Variants in GNL2 observed in about 807,000 individuals in gnomAD.
GNL2 encodes G protein nucleolar 2.
A neutral mutation model predicts 92.3 loss-of-function variants in GNL2; 51 were observed. That is an observed-to-expected ratio of 0.55 (90% CI 0.44 to 0.70). GNL2 has a LOEUF of 0.70. GNL2 is among the 30% of genes least tolerant of loss of function. GNL2 has a pLI of 0.00. For synonymous variants in GNL2, 283 were observed against 300.6 expected, an observed-to-expected ratio of 0.94 and a Z score of 0.61; for missense variants, 844 against 895.6, an observed-to-expected ratio of 0.94 and a Z score of 0.74.
At chr1:37,586,445 G>A (rs955261821) in intron 5 of GNL2, among the ~76,000 whole-genome samples, 4 of 152,038 alleles carry the variant, frequency 2.6e-5, no homozygotes, top group East Asian at 1.9e-4. Flanking sequence ...GGATCCCTAC[G>A]AGAATATGAT....
intron 8 of GNL2, chr1:37,581,303 T>G (rs1007053951): frequency 4.4e-6 from 2 of 452,980 alleles, no homozygotes; most frequent in Non-Finnish European, 8.9e-6. Flanking sequence ...AGAAGCCAGG[T>G]AGAATTAACT....
chr1:37,579,660 G>A (rs1378531743), intron 8 of GNL2, among the ~76,000 whole-genome samples: 1 of 152,036 alleles, frequency 6.6e-6, no homozygotes, highest in Non-Finnish European at 1.5e-5. Flanking sequence ...CACTTTGGGA[G>A]GCTGAGGCGG....
At chr1:37,589,919 A>G (rs1305722783) in intron 4 of GNL2, among the ~76,000 whole-genome samples, 1 of 152,198 alleles carries the variant, frequency 6.6e-6, no homozygotes, top group East Asian at 1.9e-4. Flanking sequence ...ACTCAATCCT[A>G]ATTCTACGCT....
chr1:37,588,327 C>T (rs116234374), intron 4 of GNL2, among the ~76,000 whole-genome samples: 2,734 of 151,924 alleles, frequency 0.018, 89 homozygotes, highest in African/African-American at 0.063. Context: ...CCTCCGTAAG[C>T]ACCACTACCA....
chr1:37,595,897 G>T lies in GNL2; in HGVS notation c.-75C>A, dbSNP rs1378701616. The T allele has an allele frequency of 2.3e-6, 3 of 1,293,868 alleles. No homozygotes were observed. Among genetic ancestry groups the T allele is most frequent in the Non-Finnish European group, 1.1e-6 (1 of 892,572 alleles). The allele number at this position is 1,293,868 out of a possible 1,614,324, so 80.1% of individuals were successfully genotyped here. ...AACAAACTTTTATGTTCCCAAGCCC[G>T]GCCGAAGACACCCGCCTGAACCACG... On this transcript the variant is annotated 5_prime_UTR_variant, in exon 1 of 16. Coordinates refer to ENST00000373062, the MANE Select transcript of GNL2 (RefSeq NM_013285.3).
Position 37,587,452 on chromosome 1 carries a change from G to A in GNL2, c.428C>T (p.Thr143Ile). 1 of 1,612,936 alleles carries A rather than the reference G, an allele frequency of 6.2e-7. No individual in the cohort carries two copies. The change falls in exon 5 of 16, where the codon ACA (threonine) becomes ATA (isoleucine). Residue 143 changes from threonine (T) to isoleucine (I), a missense_variant. Physicochemically the swap from Thr to Ile is moderately conservative, Grantham distance 89 (BLOSUM62 -1). Coordinates refer to ENST00000373062, the MANE Select transcript of GNL2 (RefSeq NM_013285.3). The part of the protein sequence containing the change: ...HILDTESFET[T>I]FGPKSQRKRP... ...TTTCCTCTGTGACTTAGGGCCAAAT[G>A]TAGTTTCAAAACTTTCAGTATCAAG...
intron 2 of GNL2, among the ~76,000 whole-genome samples, chr1:37,593,025 G>A (rs544572982): frequency 6.6e-6 from 1 of 152,200 alleles, no homozygotes; most frequent in Admixed American, 6.5e-5. Flanking sequence ...ATTTCTGCTA[G>A]ATGAATAACA....
Position 37,592,950 on chromosome 1 carries a change from G to T in GNL2, c.150-144C>A, listed in dbSNP as rs941380704. The stretch of plus-strand genomic sequence containing the variant: ...AAATACCAATTCCAGTAAACACAAA[G>T]TACTTCTACATTTGAAACAGATTGC... On this transcript the variant is annotated intron_variant, in intron 2 of 15. Coordinates refer to ENST00000373062, the MANE Select transcript of GNL2 (RefSeq NM_013285.3). 8.4e-6 allele frequency: 5 copies of T among 596,176 alleles called. No homozygotes were observed. The African/African-American group carries it at 9.3e-5, about 11-fold the overall frequency. The allele number at this position is 596,176 out of a possible 1,614,324, so 36.9% of individuals were successfully genotyped here. A position where few individuals can be genotyped will look rare whatever the true frequency, so the allele number is the denominator to read the frequency against.
chr1:37,592,708 TCA>T lies in GNL2; in HGVS notation c.244+2_244+3del. On this transcript the variant is annotated splice_donor_variant and splice_donor_region_variant and intron_variant, in intron 3 of 15. Coordinates refer to ENST00000373062, the MANE Select transcript of GNL2 (RefSeq NM_013285.3). LOFTEE classifies it high-confidence loss of function. ...AGAGCAAAGTAACAGGGGATAATAC[TCA>T]CCAAACCATTTAATATTTGGCTCTA... The T allele has an allele frequency of 6.6e-7, 1 of 1,504,598 alleles. No individual in the cohort carries two copies. The highest frequency in any genetic ancestry group is 9.3e-7 in the Non-Finnish European group (1 of 1,080,286). The allele number at this position is 1,504,598 out of a possible 1,614,324, so 93.2% of individuals were successfully genotyped here.
Position 37,595,894 on chromosome 1 carries a change from C to A in GNL2, c.-72G>T. 1 of 1,377,322 alleles carries A rather than the reference C, an allele frequency of 7.3e-7. No homozygotes were observed. The highest frequency in any genetic ancestry group is 1.7e-5 in the Admixed American group (1 of 58,460). 85.3% of individuals were successfully genotyped at this position (1,377,322 alleles called of 1,614,324 possible). Reference sequence around the variant, plus strand: ...TGAAACAAACTTTTATGTTCCCAAGCCCGGCCGAAGACACCCGCCTGAACC... The same window carrying A: ...TGAAACAAACTTTTATGTTCCCAAGACCGGCCGAAGACACCCGCCTGAACC... On this transcript the variant is annotated 5_prime_UTR_variant, in exon 1 of 16. Transcript: ENST00000373062.
At chr1:37,573,563 C>T (rs965200908) in intron 12 of GNL2, among the ~76,000 whole-genome samples, 7 of 152,202 alleles carry the variant, frequency 4.6e-5, no homozygotes, top group African/African-American at 1.7e-4. Flanking sequence ...TTTTTGAGGG[C>T]CAGGGCTGTT....
chr1:37,567,005 C>G lies in GNL2; in HGVS notation c.2046G>C (p.Arg682=). The change falls in exon 16 of 16, where the codon CGG becomes CGC. Residue 682 remains arginine, a splice_region_variant and synonymous_variant. Transcript: ENST00000373062. ...GCCGTTGCTGTCGTACTGCTCGCCTCCGCTGTAAAAAATGGCAAGAAAAGA... is the reference window on the plus strand; with the variant it reads ...GCCGTTGCTGTCGTACTGCTCGCCTGCGCTGTAAAAAATGGCAAGAAAAGA... ...KAPRALTSKE[R]RRAVRQQRPK... The G allele has an allele frequency of 6.2e-7, 1 of 1,605,930 alleles. No homozygotes were observed. The highest frequency in any genetic ancestry group is 8.5e-7 in the Non-Finnish European group (1 of 1,177,808).
intron 14 of GNL2, 64 bp from the exon 15 acceptor site, chr1:37,567,828 G>T: frequency 8.0e-7 from 1 of 1,256,984 alleles, no homozygotes; most frequent in Non-Finnish European, 1.2e-6. Flanking sequence ...ACCCAACGGT[G>T]GGAACAAGCT....
chr1:37,590,803 T>G lies in GNL2; in HGVS notation c.287A>C (p.Gln96Pro), dbSNP rs369494790. ...VIKQSSLQKF[Q>P]EEMDTVMKDP... ...CTTCATAACTGTATCCATTTCCTCT[T>G]GAAATTTTTGTAATGATGACTGCTT... Residue 96 changes from glutamine (Q) to proline (P), a missense_variant, in exon 4 of 16, where the codon CAA becomes CCA. Transcript: ENST00000373062. 91 of 1,601,452 alleles carry G rather than the reference T, an allele frequency of 5.7e-5. No homozygotes were observed. The highest frequency in any genetic ancestry group is 7.5e-5 in the Non-Finnish European group (88 of 1,174,186).
chr1:37,580,432 A>G (rs945149276), intron 8 of GNL2, among the ~76,000 whole-genome samples: 3 of 152,238 alleles, frequency 2.0e-5, no homozygotes, highest in African/African-American at 4.8e-5. Flanking sequence ...TAAAGATCTT[A>G]ATAAAGATAT....
At chr1:37,579,053 C>T (rs1176626185) in intron 8 of GNL2, among the ~76,000 whole-genome samples, 1 of 151,874 alleles carries the variant, frequency 6.6e-6, no homozygotes, top group Non-Finnish European at 1.5e-5. Context: ...TAGCAGAAAA[C>T]ACAAAAAAAC....
chr1:37,588,084 T>C (rs1643867540), intron 4 of GNL2, among the ~76,000 whole-genome samples: 2 of 152,204 alleles, frequency 1.3e-5, no homozygotes, highest in African/African-American at 4.8e-5. Context: ...TTTTATTAAA[T>C]GCACATGGCA....
intron 3 of GNL2, 37 bp downstream of exon 3, chr1:37,592,675 T>C: frequency 1.8e-6 from 2 of 1,140,554 alleles, no homozygotes; most frequent in South Asian, 1.2e-5. Context: ...ACTCAGCATA[T>C]ATTTTGTAGA....
rs931142175 is a variant in GNL2, at chr1:37,566,945, G to C, written c.2106C>G (p.His702Gln). 9 of 1,613,894 alleles carry C rather than the reference G, an allele frequency of 5.6e-6. No homozygotes were observed. Among genetic ancestry groups the C allele is most frequent in the South Asian group, 2.2e-5 (2 of 91,062 alleles). ...KKVGVRYYET[H>Q]NVKNRNRNKK... ...TGTTCCTGTTCCTATTTTTCACGTT[G>C]TGTGTTTCATAGTAGCGCACACCAA... is the stretch of plus-strand genomic sequence containing the variant. Residue 702 changes from histidine to glutamine, a missense_variant, in exon 16 of 16, where the codon CAC becomes CAG. Coordinates refer to ENST00000373062, the MANE Select transcript of GNL2 (RefSeq NM_013285.3).
Sources: allele counts gnomAD v4.1 joint callset (sites outside exome capture counted in the v4.1 genomes callset), GRCh38; gene constraint gnomAD v4.1.1; transcripts MANE v1.5; gene names NCBI Gene and HGNC (gene_info 2026-07-23, HGNC 2026-07-21).